ESYT3: variants seen among roughly 807,000 people sequenced by gnomAD.
ESYT3 encodes the protein extended synaptotagmin 3.
A neutral mutation model predicts 111.5 loss-of-function variants in ESYT3; 101 were observed. The observed-to-expected ratio is 0.91, with a 90% CI of 0.77 to 1.07. The LOEUF (loss-of-function observed/expected upper bound fraction) is 1.07. Among genes scored for constraint, ESYT3 ranks in the 50% least tolerant of loss-of-function variants. The pLI is 0.00. For missense variants in ESYT3, 1,097 were observed against 1,109.4 expected (o/e 0.99, Z 0.16); for synonymous variants, 416 against 446.8 (o/e 0.93, Z 0.87).
rs993629444 is a variant in ESYT3 at position 138,472,773 on chromosome 3, G to T, written c.2151G>T (p.Pro717=). The T allele has an allele frequency of 6.2e-7, 1 of 1,614,146 alleles. No individual in the cohort carries two copies. The highest frequency in any genetic ancestry group is 8.5e-7 in the Non-Finnish European group (1 of 1,180,042). ...GCCCTGCCTCCCCATTCGCATGGCC[G>T]CCCAAGAGGCTGGCTCCCAGCATGT... is the stretch of plus-strand genomic sequence containing the variant. ...MKCPASPFAW[P]PKRLAPSMSS... Residue 717 remains proline, a synonymous_variant, in exon 18 of 23, where the codon CCG becomes CCT. Coordinates refer to ENST00000389567, the MANE Select transcript of ESYT3 (RefSeq NM_031913.5).
chr3:138,457,558 T>C lies in ESYT3; in HGVS notation c.505-10T>C. On this transcript the variant is annotated splice_polypyrimidine_tract_variant and intron_variant, in intron 3 of 22. Coordinates refer to ENST00000389567, the MANE Select transcript of ESYT3 (RefSeq NM_031913.5). The stretch of plus-strand genomic sequence containing the variant: ...AGCCTCTGACCTAGCCCTTTTGGCA[T>C]TTCTTCCAGTGTCCCAGGGTCAACG... 2 of 1,614,048 alleles carry C rather than the reference T, an allele frequency of 1.2e-6. No homozygotes were observed. The highest frequency in any genetic ancestry group is 2.7e-5 in the African/African-American group (2 of 75,046).
At chr3:138,468,542 G>C (rs1186487853) in intron 12 of ESYT3, 113 bp from the exon 13 acceptor site, 1 of 1,057,200 alleles carries the variant, frequency 9.5e-7, no homozygotes, top group Non-Finnish European at 1.5e-6. Context: ...CCGGCAGCTA[G>C]TCTGGAGTGT....
intron 11 of ESYT3, 74 bp from the exon 12 acceptor site, chr3:138,468,031 G>A (rs541445559): frequency 7.1e-7 from 1 of 1,407,594 alleles, no homozygotes; most frequent in African/African-American, 1.4e-5. Flanking sequence ...CAGGTCTCAG[G>A]ACTGGGCTGC....
Position 138,472,488 on chromosome 3 carries a change from A to C in ESYT3, c.1866A>C (p.Glu622Asp). 1 of 1,614,202 alleles carries C rather than the reference A, an allele frequency of 6.2e-7. No homozygotes were observed. ...NQGPKAQPQE[E>D]GPTDLPCPPD... ...GTCCCAAAGCCCAACCTCAGGAAGAAGGCCCTACAGATTTGCCATGTCCCC... is the reference window on the plus strand; with the variant it reads ...GTCCCAAAGCCCAACCTCAGGAAGACGGCCCTACAGATTTGCCATGTCCCC... The change falls in exon 18 of 23, where the codon GAA (glutamate) becomes GAC (aspartate). Residue 622 changes from glutamate (E) to aspartate (D), a missense_variant. Transcript: ENST00000389567.
At chr3:138,436,094 G>A (rs1192863700) in intron 1 of ESYT3, among the ~76,000 whole-genome samples, 1 of 152,170 alleles carries the variant, frequency 6.6e-6, no homozygotes, top group African/African-American at 2.4e-5. Context: ...AGTCTGTAAA[G>A]TGAGGTGTGA....
rs528178290 is a variant in ESYT3 at position 138,466,588 on chromosome 3, A to G, written c.1170-973A>G. On this transcript the variant is annotated intron_variant, in intron 10 of 22. Transcript: ENST00000389567. ...GCTTAAGCATGTTTCTTACAGTTAT[A>G]TAGAATTACATTTTCCCCTCTGGCT... 2.0e-5 allele frequency among the ~76,000 whole-genome samples: 3 copies of G among 152,278 alleles called. No homozygotes were observed. The South Asian group carries it at 6.2e-4, about 32-fold the overall frequency.
chr3:138,459,174 C>G lies in ESYT3; in HGVS notation c.582-13C>G. 2 of 1,489,318 alleles carry G rather than the reference C, an allele frequency of 1.3e-6. No homozygotes were observed. The highest frequency in any genetic ancestry group is 9.0e-7 in the Non-Finnish European group (1 of 1,107,446). 92.3% of individuals were successfully genotyped at this position (1,489,318 alleles called of 1,614,324 possible). Reference sequence around the variant, plus strand: ...CCCTCCTCCCCACCTTCCTTTTCCACCCCCCATTTCAGCTACATCGGGGAC... The same window carrying G: ...CCCTCCTCCCCACCTTCCTTTTCCAGCCCCCATTTCAGCTACATCGGGGAC... On this transcript the variant is annotated splice_polypyrimidine_tract_variant and intron_variant, in intron 4 of 22. Transcript: ENST00000389567.
intron 3 of ESYT3, 107 bp downstream of exon 3, chr3:138,455,435 TCC>T: frequency 7.7e-7 from 1 of 1,304,082 alleles, no homozygotes; most frequent in Non-Finnish European, 1.1e-6. Context: ...ACTGCAGAGA[TCC>T]CACTGGACCT....
At chr3:138,462,336 AC>A in intron 8 of ESYT3, 130 bp downstream of exon 8, 1 of 1,263,760 alleles carries the variant, frequency 7.9e-7, no homozygotes. Context: ...TGGTACAAAC[AC>A]CATCGCCCAC....
In ESYT3 at chr3:138,457,606, G is replaced by C. The variant is rs376570171; in HGVS notation, c.543G>C (p.Thr181=). ...RVNGVKAHTN[T]CNRRRVTVDL... is the part of the protein sequence containing the mutation. ...ACGGTGTCAAGGCACACACTAATACGTGCAACCGAAGACGTGTGACTGTGG... is the reference window on the plus strand; with the variant it reads ...ACGGTGTCAAGGCACACACTAATACCTGCAACCGAAGACGTGTGACTGTGG... Residue 181 remains threonine, a synonymous_variant, in exon 4 of 23, where the codon ACG becomes ACC. Coordinates refer to ENST00000389567, the MANE Select transcript of ESYT3 (RefSeq NM_031913.5). The C allele has an allele frequency of 6.2e-6, 10 of 1,614,030 alleles. No individual in the cohort carries two copies. The highest frequency in any genetic ancestry group is 1.3e-5 in the African/African-American group (1 of 74,918).
intron 8 of ESYT3, chr3:138,462,566 C>T (rs1220051025): frequency 2.5e-6 from 1 of 393,642 alleles, no homozygotes; most frequent in Non-Finnish European, 4.6e-6. Flanking sequence ...TTTCCAAAGT[C>T]CAATTAAAAA....
At chr3:138,462,899 G>A (rs1039078524) in intron 8 of ESYT3, among the ~76,000 whole-genome samples, 4 of 152,192 alleles carry the variant, frequency 2.6e-5, no homozygotes, top group Admixed American at 1.3e-4. Flanking sequence ...CTGGGCTCAA[G>A]TGATCTGCCC....
rs772474356 is a variant in ESYT3, at chr3:138,474,176, C to A, written c.2337-45C>A. 2.8e-5 allele frequency: 44 copies of A among 1,583,314 alleles called. 1 individual carries two copies. The highest frequency in any genetic ancestry group is 3.7e-5 in the Non-Finnish European group (43 of 1,171,252). ...TCTCAAATGTTCAGTGTTTGAAAAC[C>A]AGGGCCCTTTTTTTTTTTTCCTAAT... is the stretch of plus-strand genomic sequence containing the variant. On this transcript the variant is annotated intron_variant, in intron 19 of 22. Transcript: ENST00000389567.
intron 6 of ESYT3, 89 bp downstream of exon 6, chr3:138,460,123 A>G (rs554023856): frequency 1.1e-5 from 13 of 1,174,854 alleles, no homozygotes; most frequent in Admixed American, 9.4e-5. Flanking sequence ...GAGTCCAAGA[A>G]TGGACATTGT....
intron 1 of ESYT3, among the ~76,000 whole-genome samples, chr3:138,451,398 C>T (rs1488328498): frequency 6.6e-6 from 1 of 152,220 alleles, no homozygotes; most frequent in Non-Finnish European, 1.5e-5. Context: ...CTGTTAAGTA[C>T]TTATCACTGG....
At chr3:138,461,602 C>T (rs9883802) in intron 7 of ESYT3, among the ~76,000 whole-genome samples, 19,323 of 152,190 alleles carry the variant, frequency 0.13, 1,681 homozygotes, top group Non-Finnish European at 0.19. Context: ...GTATTTACAC[C>T]GTGCCAGCCC....
chr3:138,446,394 AT>A (rs1304947521), intron 1 of ESYT3, among the ~76,000 whole-genome samples: 1 of 152,210 alleles, frequency 6.6e-6, no homozygotes, highest in East Asian at 1.9e-4. Flanking sequence ...TAGTTTCCTT[AT>A]CTGTAAAATG....
At chr3:138,467,746 G>T (rs2033003990) in intron 11 of ESYT3, 137 bp downstream of exon 11, 2 of 779,610 alleles carry the variant, frequency 2.6e-6, no homozygotes, top group Non-Finnish European at 4.2e-6. Context: ...CAGGGCAAGA[G>T]CTGGGTGAGG....
Position 138,459,993 on chromosome 3 carries a change from C to T in ESYT3, c.697C>T (p.Pro233Ser). The T allele has an allele frequency of 6.2e-7, 1 of 1,614,146 alleles. No individual in the cohort carries two copies. The highest frequency in any genetic ancestry group is 8.5e-7 in the Non-Finnish European group (1 of 1,180,010). ...CCTGGAGCCCCTCCTAGTGGACAAG[C>T]CCTTTGTGGGAGCCGTGACTGTGTT... ...VILEPLLVDK[P>S]FVGAVTVFFL... is the part of the protein sequence containing the mutation. The change falls in exon 6 of 23, where the codon CCC becomes TCC. Residue 233 changes from proline to serine, a missense_variant. By Grantham distance (74) the Pro-to-Ser change is moderately conservative. Transcript: ENST00000389567.
Sources: gnomAD v4.1 joint callset for allele counts (sites outside exome capture counted in the v4.1 genomes callset) on GRCh38, gnomAD v4.1.1 for gene constraint, MANE v1.5 for transcripts, NCBI Gene and HGNC (gene_info 2026-07-23, HGNC 2026-07-21) for gene names.